The following TMX3 variants were observed in gnomAD, a reference collection of about 807,000 sequenced individuals.
TMX3 encodes the protein thioredoxin related transmembrane protein 3.
TMX3 carries 40 observed loss-of-function variants against 64.4 expected under a neutral mutation model. The observed-to-expected ratio is 0.62, with a 90% CI of 0.48 to 0.81. TMX3 has a LOEUF of 0.81. TMX3 is among the 30% of genes least tolerant of loss of function. TMX3 has a pLI of 0.00. For missense variants in TMX3, 497 were observed against 534.5 expected (o/e 0.93, Z 0.69); for synonymous variants, 189 against 175.7 (o/e 1.08, Z -0.60).
chr18:68,685,850 T>C (rs1250151388), intron 10 of TMX3, among the ~76,000 whole-genome samples: 1 of 152,190 alleles, frequency 6.6e-6, no homozygotes, highest in Admixed American at 6.5e-5. Flanking sequence ...GGAAGCAGTA[T>C]TTGGTCTGAG....
intron 14 of TMX3, among the ~76,000 whole-genome samples, chr18:68,680,353 G>T (rs1232017902): frequency 6.6e-6 from 1 of 151,944 alleles, no homozygotes; most frequent in Non-Finnish European, 1.5e-5. Flanking sequence ...TGTGACTTGC[G>T]GTGGTTTCAT....
In TMX3 at chr18:68,684,456, C is replaced by G; in HGVS notation, c.766G>C (p.Glu256Gln). ...GTATGTTCAACTGATGTATTTTTCT[C>G]ATCAATAACTGCAAGAGCCACAAGC... ...GKLVALAVIDEKNTSVEHTRL... is the reference protein window; with the variant it reads ...GKLVALAVIDQKNTSVEHTRL... The change falls in exon 11 of 16, where the codon GAG becomes CAG. Residue 256 changes from glutamate (E) to glutamine (Q), a missense_variant. Glu to Gln is a conservative substitution (Grantham distance 29, BLOSUM62 2). This residue lies in a region of TMX3 where 360 missense variants were observed against 383.5 expected (regional missense o/e 0.94). Coordinates refer to ENST00000299608, the MANE Select transcript of TMX3 (RefSeq NM_019022.5). The G allele has an allele frequency of 6.2e-7, 1 of 1,612,918 alleles. No homozygotes were observed. The highest frequency in any genetic ancestry group is 1.1e-5 in the South Asian group (1 of 91,010).
intron 5 of TMX3, 143 bp from the exon 6 acceptor site, chr18:68,700,628 T>C (rs2029951658): frequency 9.5e-7 from 1 of 1,050,132 alleles, no homozygotes; most frequent in Non-Finnish European, 1.3e-6. Context: ...TCATGTAAAA[T>C]ATGGTAGACA....
rs1323001942 is a variant in TMX3 at position 68,674,372 on chromosome 18, A to C, written c.*2561T>G. The C allele has an allele frequency of 1.3e-5, 2 of 152,152 alleles. No individual in the cohort carries two copies. The highest frequency in any genetic ancestry group is 2.4e-5 in the African/African-American group (1 of 41,460). 9.4% of individuals were successfully genotyped at this position (152,152 alleles called of 1,614,324 possible). A position where few individuals can be genotyped will look rare whatever the true frequency, so the allele number is the denominator to read the frequency against. ...CACTTTGTCTCGCTGAAATGTCCTT[A>C]AATATTGTCTGAGCACCAAATTCTG... is the stretch of plus-strand genomic sequence containing the variant. On this transcript the variant is annotated 3_prime_UTR_variant, in exon 16 of 16. Coordinates refer to ENST00000299608, the MANE Select transcript of TMX3 (RefSeq NM_019022.5).
chr18:68,700,371 T>C (rs755015754), intron 6 of TMX3, 34 bp downstream of exon 6: 3 of 1,340,566 alleles, frequency 2.2e-6, no homozygotes, highest in South Asian at 1.4e-5. Flanking sequence ...CAAATATTAA[T>C]AACATACAGT....
At chr18:68,680,709 T>C (rs952542436) in intron 14 of TMX3, among the ~76,000 whole-genome samples, 1 of 151,918 alleles carries the variant, frequency 6.6e-6, no homozygotes, top group Non-Finnish European at 1.5e-5. Context: ...CAACAGCCCC[T>C]CCCCATCACC....
At chr18:68,693,438 C>A (rs1456566788) in intron 8 of TMX3, among the ~76,000 whole-genome samples, 3 of 152,118 alleles carry the variant, frequency 2.0e-5, no homozygotes, top group Non-Finnish European at 1.5e-5. Context: ...ACCCCCACCC[C>A]CCAACCCCTG....
In TMX3 at chr18:68,709,848, C is replaced by T. The variant is rs543680320; in HGVS notation, c.265+173G>A. Among the ~76,000 whole-genome samples the T allele has an allele frequency of 0.096, 14,564 of 152,042 alleles. 1,998 individuals carry two copies. The highest frequency in any genetic ancestry group is 0.3 in the African/African-American group (12,606 of 41,384). On this transcript the variant is annotated intron_variant, in intron 4 of 15. Coordinates refer to ENST00000299608, the MANE Select transcript of TMX3 (RefSeq NM_019022.5). ...AAGCATAAGATTAACACACACTACA[C>T]GCTACATGTTCAATGGCTAATTCAT...
intron 4 of TMX3, among the ~76,000 whole-genome samples, chr18:68,705,375 G>A (rs1414764062): frequency 3.9e-5 from 6 of 152,300 alleles, no homozygotes; most frequent in Non-Finnish European, 8.8e-5. Flanking sequence ...TGTCAATAAT[G>A]CAAGGCTGAG....
Position 68,699,124 on chromosome 18 carries a change from A to C in TMX3, c.393-1093T>G, listed in dbSNP as rs62100004. ...ACTCTATCACATTTATAAAAAGAAC[A>C]TAGAAAGGCAAATACATTTTCAAAA... On this transcript the variant is annotated intron_variant, in intron 6 of 15. Coordinates refer to ENST00000299608, the MANE Select transcript of TMX3 (RefSeq NM_019022.5). Among the ~76,000 whole-genome samples, 444 of 152,286 alleles carry C rather than the reference A, an allele frequency of 2.9e-3. 6 individuals are homozygous for C. The highest frequency in any genetic ancestry group is 0.024 in the South Asian group (117 of 4,826).
At chr18:68,699,850 G>C (rs751575670) in intron 6 of TMX3, among the ~76,000 whole-genome samples, 2 of 152,134 alleles carry the variant, frequency 1.3e-5, no homozygotes, top group South Asian at 2.1e-4. Flanking sequence ...TCGGTAACTT[G>C]AACAGATCCT....
At chr18:68,711,071 A>G (rs76349129) in intron 3 of TMX3, among the ~76,000 whole-genome samples, 5,655 of 152,232 alleles carry the variant, frequency 0.037, 237 homozygotes, top group African/African-American at 0.1. Flanking sequence ...ATCATACCCT[A>G]TATCATTAAG....
chr18:68,709,624 C>T (rs2031056323), intron 4 of TMX3, among the ~76,000 whole-genome samples: 1 of 152,056 alleles, frequency 6.6e-6, no homozygotes, highest in African/African-American at 2.4e-5. Flanking sequence ...CTTCCTGATC[C>T]TCACTTGTAC....
At chr18:68,684,515 A>C in intron 10 of TMX3, 30 bp from the exon 11 acceptor site, 1 of 1,587,792 alleles carries the variant, frequency 6.3e-7, no homozygotes, top group Non-Finnish European at 8.6e-7. Context: ...ATCTGAATTC[A>C]ATCACCCTTA....
intron 8 of TMX3, 123 bp downstream of exon 8, chr18:68,697,103 T>G: frequency 1.7e-6 from 1 of 584,956 alleles, no homozygotes; most frequent in South Asian, 2.6e-5. Flanking sequence ...CATATCACAG[T>G]AAATAAATCT....
intron 4 of TMX3, among the ~76,000 whole-genome samples, chr18:68,703,137 CAA>C (rs1381670015): frequency 2.0e-5 from 3 of 152,140 alleles, no homozygotes; most frequent in Non-Finnish European, 4.4e-5. Context: ...TTCTTCCCAG[CAA>C]AAACACAGAA....
rs1045527536 is a variant in TMX3 at position 68,715,099 on chromosome 18, C to T, written c.-118G>A. 8 of 1,518,002 alleles carry T rather than the reference C, an allele frequency of 5.3e-6. No individual in the cohort carries two copies. The African/African-American group carries it at 8.4e-5, about 16-fold the overall frequency. The allele number at this position is 1,518,002 out of a possible 1,614,324, so 94.0% of individuals were successfully genotyped here. A position where few individuals can be genotyped will look rare whatever the true frequency, so the allele number is the denominator to read the frequency against. Reference sequence around the variant, plus strand: ...CCGACCCGGAGCGGAAGAGAAGCACCGCGCTAACTACGGGGGCGGGGCTAC... The same window carrying T: ...CCGACCCGGAGCGGAAGAGAAGCACTGCGCTAACTACGGGGGCGGGGCTAC... On this transcript the variant is annotated 5_prime_UTR_variant, in exon 1 of 16. Coordinates refer to ENST00000299608, the MANE Select transcript of TMX3 (RefSeq NM_019022.5).
rs1015583756 is a variant in TMX3 at position 68,715,071 on chromosome 18, G to C, written c.-90C>G. ...GCCTGCCCGCCCGGAAAGGGAAACGGAGCCGACCCGGAGCGGAAGAGAAGC... is the reference window on the plus strand; with the variant it reads ...GCCTGCCCGCCCGGAAAGGGAAACGCAGCCGACCCGGAGCGGAAGAGAAGC... On this transcript the variant is annotated 5_prime_UTR_variant, in exon 1 of 16. Transcript: ENST00000299608. 1.9e-6 allele frequency: 3 copies of C among 1,543,682 alleles called. No individual in the cohort carries two copies. The highest frequency in any genetic ancestry group is 2.6e-6 in the Non-Finnish European group (3 of 1,143,154).
At chr18:68,705,196 A>G (rs2030543954) in intron 4 of TMX3, among the ~76,000 whole-genome samples, 1 of 152,156 alleles carries the variant, frequency 6.6e-6, no homozygotes, top group Non-Finnish European at 1.5e-5. Context: ...AACATCCCAC[A>G]ATGCACAGGA....
Sources: gnomAD v4.1 joint callset for allele counts (sites outside exome capture counted in the v4.1 genomes callset) on GRCh38, gnomAD v4.1.1 for gene constraint, gnomAD v4.1.1 regional missense constraint, MANE v1.5 for transcripts, NCBI Gene and HGNC (gene_info 2026-07-23, HGNC 2026-07-21) for gene names.